Variants in ASIC1 observed in about 807,000 individuals in gnomAD.
ASIC1 encodes acid sensing ion channel subunit 1.
Under a neutral mutation model 63.4 loss-of-function variants are expected in ASIC1, and 21 were observed. The ratio of observed to expected loss-of-function variants is 0.33; its 90% CI spans 0.23 to 0.48. The LOEUF (loss-of-function observed/expected upper bound fraction) is 0.48. Among genes scored for constraint, ASIC1 ranks in the 20% least tolerant of loss-of-function variants. The pLI is 0.99. For synonymous variants in ASIC1, 258 were observed against 278.2 expected (o/e 0.93, Z 0.72); for missense variants, 478 against 695.5 (o/e 0.69, Z 3.52).
intron 3 of ASIC1, 71 bp downstream of exon 3, chr12:50,060,025 G>T: frequency 6.5e-7 from 1 of 1,543,410 alleles, no homozygotes; most frequent in Non-Finnish European, 8.8e-7. Flanking sequence ...GGAGCAGGCT[G>T]GGCCTCTCCG....
rs773864447 is a variant in ASIC1, at chr12:50,059,893, G to C, written c.497G>C (p.Arg166Pro). ...EFYDRAGHDI[R>P]DMLLSCHFRG... ...TACGACCGAGCTGGGCACGACATTC[G>C]AGACATGCTGCTCTCCTGCCACTTC... is the stretch of plus-strand genomic sequence containing the variant. The change falls in exon 3 of 12, where the codon CGA (arginine) becomes CCA (proline). Residue 166 changes from arginine (R) to proline (P), a missense_variant. Coordinates refer to ENST00000447966, the MANE Select transcript of ASIC1 (RefSeq NM_001095.4). The surrounding 1 kb of genome is among the most constrained non-coding windows in gnomAD (Gnocchi z 4.6). The C allele has an allele frequency of 2.5e-6, 4 of 1,613,990 alleles. No homozygotes were observed. Among genetic ancestry groups the C allele is most frequent in the Non-Finnish European group, 3.4e-6 (4 of 1,180,028 alleles).
At chr12:50,079,846 A>G in intron 7 of ASIC1, 56 bp from the exon 8 acceptor site, 1 of 1,542,334 alleles carries the variant, frequency 6.5e-7, no homozygotes, top group Non-Finnish European at 8.8e-7. Context: ...TGCATGTGGG[A>G]AGGTGCTGGC....
Position 50,079,887 on chromosome 12 carries a change from C to A in ASIC1, c.1052-15C>A. ...GGCACCACTCAACTGAGACCTCTCA[C>A]CTGGCTGAGTGCAGACTTCCTGGTG... On this transcript the variant is annotated splice_polypyrimidine_tract_variant and intron_variant, in intron 7 of 11. Transcript: ENST00000447966. 1 of 1,591,798 alleles carries A rather than the reference C, an allele frequency of 6.3e-7. No homozygotes were observed. The highest frequency in any genetic ancestry group is 8.6e-7 in the Non-Finnish European group (1 of 1,168,246).
Position 50,078,302 on chromosome 12 carries a change from G to A in ASIC1, c.838-119G>A, listed in dbSNP as rs962581120. The A allele has an allele frequency of 6.6e-7, 1 of 1,510,916 alleles. No homozygotes were observed. Among genetic ancestry groups the A allele is most frequent in the South Asian group, 1.3e-5 (1 of 78,374 alleles). 93.6% of individuals were successfully genotyped at this position (1,510,916 alleles called of 1,614,324 possible). A position where few individuals can be genotyped will look rare whatever the true frequency, so the allele number is the denominator to read the frequency against. On this transcript the variant is annotated intron_variant, in intron 5 of 11. Transcript: ENST00000447966. This position sits in a 1 kb window ranked among gnomAD's most constrained non-coding sequence, Gnocchi z 6.0. ...TGCTCTGTAAACTCTGAGACCTTTGGAGGCTGCAGAGGGAGAGGGGAGCAG... is the reference window on the plus strand; with the variant it reads ...TGCTCTGTAAACTCTGAGACCTTTGAAGGCTGCAGAGGGAGAGGGGAGCAG...
chr12:50,064,273 T>C (rs1023960860), intron 3 of ASIC1, among the ~76,000 whole-genome samples: 1 of 152,052 alleles, frequency 6.6e-6, no homozygotes, highest in African/African-American at 2.4e-5. Flanking sequence ...TGAACACAGG[T>C]GGGTGGAGAG....
Position 50,078,756 on chromosome 12 carries a change from G to T in ASIC1, c.995-168G>T, listed in dbSNP as rs1950684595. On this transcript the variant is annotated intron_variant, in intron 6 of 11. Transcript: ENST00000447966. The surrounding 1 kb of genome is among the most constrained non-coding windows in gnomAD (Gnocchi z 6.0). ...GCACCCCCAGGGATGGGTGGGAAGG[G>T]TCTAGAAGGTATGGACCTGGAGTGG... The T allele has an allele frequency of 1.5e-6, 2 of 1,324,910 alleles. No individual in the cohort carries two copies. The highest frequency in any genetic ancestry group is 1.8e-5 in the Admixed American group (1 of 57,072). 82.1% of individuals were successfully genotyped at this position (1,324,910 alleles called of 1,614,324 possible). A position where few individuals can be genotyped will look rare whatever the true frequency, so the allele number is the denominator to read the frequency against.
intron 7 of ASIC1, among the ~76,000 whole-genome samples, chr12:50,079,255 TA>T (rs963723690): frequency 3.8e-4 from 57 of 151,020 alleles, no homozygotes; most frequent in Non-Finnish European, 5.5e-4. Context: ...TATGAAAAAT[TA>T]AAAAAAAATT....
At position 50,081,365 on chromosome 12, in the gene ASIC1, G is replaced by A; in HGVS notation, c.1482+1G>A. The A allele has an allele frequency of 1.3e-6, 2 of 1,593,562 alleles. No individual in the cohort carries two copies. The highest frequency in any genetic ancestry group is 1.7e-6 in the Non-Finnish European group (2 of 1,170,122). ...CAGCCTGGACGACGTCAAAAGACAC[G>A]TGAGGGAGCGAGCGAGGGCGCCCTC... On this transcript the variant is annotated splice_donor_variant, in intron 11 of 11. Coordinates refer to ENST00000447966, the MANE Select transcript of ASIC1 (RefSeq NM_001095.4). LOFTEE classifies it high-confidence loss of function.
Position 50,058,743 on chromosome 12 carries a change from T to A in ASIC1, c.-16-8T>A. 6.4e-7 allele frequency: 1 copy of A among 1,554,072 alleles called. No individual in the cohort carries two copies. Among genetic ancestry groups the A allele is most frequent in the Non-Finnish European group, 8.7e-7 (1 of 1,146,950 alleles). The stretch of plus-strand genomic sequence containing the variant: ...ACAATGATAGACTGTCCCTCCCTCC[T>A]CCCCCAGGATCCCCTCAACAAGGAT... On this transcript the variant is annotated splice_polypyrimidine_tract_variant and splice_region_variant and intron_variant, in intron 1 of 11. Coordinates refer to ENST00000447966, the MANE Select transcript of ASIC1 (RefSeq NM_001095.4).
chr12:50,058,557 CT>C (rs1483175359), intron 1 of ASIC1, among the ~76,000 whole-genome samples, 193 bp from the exon 2 acceptor site: 8 of 152,200 alleles, frequency 5.3e-5, no homozygotes, highest in Non-Finnish European at 1.5e-5. Context: ...ACCTGACCCC[CT>C]GTGCCTCTGT....
At chr12:50,080,454 A>C in intron 8 of ASIC1, 44 bp from the exon 9 acceptor site, 1 of 1,579,240 alleles carries the variant, frequency 6.3e-7, no homozygotes, top group Middle Eastern at 1.7e-4. Flanking sequence ...TAAGAGATAG[A>C]GATATGACTT....
chr12:50,078,121 G>A lies in ASIC1; in HGVS notation c.831G>A (p.Glu277=), dbSNP rs1222619696. The A allele has an allele frequency of 6.2e-7, 1 of 1,613,000 alleles. No homozygotes were observed. The highest frequency in any genetic ancestry group is 1.7e-5 in the Admixed American group (1 of 59,840). ...PGFQTFVACQ[E]QRLIYLPPPW... is the part of the protein sequence containing the mutation. ...TCCAGACCTTTGTGGCCTGCCAGGA[G>A]CAGCGGGTGAGAGGGCCATGGGAGG... is the stretch of plus-strand genomic sequence containing the variant. Residue 277 remains glutamate (E), a synonymous_variant, in exon 5 of 12, where the codon GAG becomes GAA. Transcript: ENST00000447966. This position sits in a 1 kb window ranked among gnomAD's most constrained non-coding sequence, Gnocchi z 6.0.
intron 3 of ASIC1, among the ~76,000 whole-genome samples, chr12:50,071,964 T>C (rs1425068212): frequency 2.0e-5 from 3 of 152,088 alleles, no homozygotes; most frequent in Admixed American, 6.5e-5. Flanking sequence ...TGGCTGTTGT[T>C]TAGGCCAGTC....
At chr12:50,065,180 C>G (rs1026433890) in intron 3 of ASIC1, among the ~76,000 whole-genome samples, 2 of 152,198 alleles carry the variant, frequency 1.3e-5, no homozygotes, top group African/African-American at 4.8e-5. Context: ...CCTGCCCACC[C>G]CCACCCCCAA....
chr12:50,063,427 C>T (rs544209234), intron 3 of ASIC1, among the ~76,000 whole-genome samples: 5 of 152,248 alleles, frequency 3.3e-5, no homozygotes, highest in East Asian at 3.9e-4. Flanking sequence ...CTTTGCCTAG[C>T]GGAGAGAGAA....
chr12:50,083,568 C>G lies in ASIC1; in HGVS notation c.*1919C>G, dbSNP rs1022327145. ...GGATAGGGGAACAGCAGGCAGGGCT[C>G]TGGGTGACGCATGCCTCTGGTCTAA... On this transcript the variant is annotated 3_prime_UTR_variant, in exon 12 of 12. Transcript: ENST00000447966. 6.5e-6 allele frequency: 1 copy of G among 152,804 alleles called. No individual in the cohort carries two copies. Among genetic ancestry groups the G allele is most frequent in the African/African-American group, 2.4e-5 (1 of 41,462 alleles). 9.5% of individuals were successfully genotyped at this position (152,804 alleles called of 1,614,324 possible).
chr12:50,081,088 G>T lies in ASIC1; in HGVS notation c.1298-14G>T. 1 of 1,577,792 alleles carries T rather than the reference G, an allele frequency of 6.3e-7. No individual in the cohort carries two copies. Among genetic ancestry groups the T allele is most frequent in the Non-Finnish European group, 8.6e-7 (1 of 1,162,452 alleles). On this transcript the variant is annotated splice_polypyrimidine_tract_variant and intron_variant, in intron 9 of 11. Coordinates refer to ENST00000447966, the MANE Select transcript of ASIC1 (RefSeq NM_001095.4). ...TCCTGACCCCACTGACCCCCCTGGC[G>T]CCTGCCCCCGCAGGTGACATCGGGG...
chr12:50,078,248 A>G lies in ASIC1; in HGVS notation c.837+121A>G. 1 of 1,518,414 alleles carries G rather than the reference A, an allele frequency of 6.6e-7. No individual in the cohort carries two copies. Among genetic ancestry groups the G allele is most frequent in the Non-Finnish European group, 8.9e-7 (1 of 1,128,960 alleles). 94.1% of individuals were successfully genotyped at this position (1,518,414 alleles called of 1,614,324 possible). On this transcript the variant is annotated intron_variant, in intron 5 of 11. Coordinates refer to ENST00000447966, the MANE Select transcript of ASIC1 (RefSeq NM_001095.4). This position sits in a 1 kb window ranked among gnomAD's most constrained non-coding sequence, Gnocchi z 6.0. ...GACCTGGGTGGTAATCTGGCTAGTC[A>G]GAAGCATGAGTGATCGAATGAACAA...
chr12:50,078,730 T>G lies in ASIC1; in HGVS notation c.994+153T>G. ...TGTCTCTCTGACCTCAGTTCCCGCC[T>G]GCACCCCCAGGGATGGGTGGGAAGG... is the stretch of plus-strand genomic sequence containing the variant. On this transcript the variant is annotated intron_variant, in intron 6 of 11. Coordinates refer to ENST00000447966, the MANE Select transcript of ASIC1 (RefSeq NM_001095.4). The surrounding 1 kb of genome is among the most constrained non-coding windows in gnomAD (Gnocchi z 6.0). The G allele has an allele frequency of 7.3e-7, 1 of 1,373,168 alleles. No homozygotes were observed. Among genetic ancestry groups the G allele is most frequent in the Non-Finnish European group, 1.0e-6 (1 of 979,878 alleles). The allele number at this position is 1,373,168 out of a possible 1,614,324, so 85.1% of individuals were successfully genotyped here.
Sources: gnomAD v4.1 joint callset for allele counts (sites outside exome capture counted in the v4.1 genomes callset) on GRCh38, gnomAD v4.1.1 for gene constraint, Gnocchi (gnomAD v3.1) non-coding constraint, MANE v1.5 for transcripts, NCBI Gene and HGNC (gene_info 2026-07-23, HGNC 2026-07-21) for gene names.